DLG2: variants seen among roughly 807,000 people sequenced by gnomAD.
DLG2 encodes the protein discs large MAGUK scaffold protein 2, also known as disks large homolog 2.
A neutral mutation model predicts 132.5 loss-of-function variants in DLG2; 45 were observed. The observed-to-expected ratio is 0.34, with a 90% CI of 0.27 to 0.44. DLG2 has a LOEUF of 0.44. Among genes scored for constraint, DLG2 ranks in the 20% least tolerant of loss-of-function variants. DLG2 has a pLI of 1.00. For missense variants in DLG2, 1,045 were observed against 1,196.9 expected (o/e 0.87, Z 1.87); for synonymous variants, 424 against 419.6 (o/e 1.01, Z -0.13).
chr11:84,499,220 C>T lies in DLG2; in HGVS notation c.519+35350G>A, dbSNP rs145565074. 4.3e-3 allele frequency among the ~76,000 whole-genome samples: 656 copies of T among 152,288 alleles called. 2 individuals are homozygous for T. The highest frequency in any genetic ancestry group is 9.0e-3 in the Admixed American group (138 of 15,282). ...TAAACTTTTTGAAACTCACTTTTCT[C>T]CTCTATAAAACTGAATTGTAATGTC... On this transcript the variant is annotated intron_variant, in intron 7 of 27. Coordinates refer to ENST00000376104, the MANE Select transcript of DLG2 (RefSeq NM_001142699.3).
chr11:83,979,782 A>G (rs2514145), intron 12 of DLG2, among the ~76,000 whole-genome samples: 18,513 of 152,154 alleles, frequency 0.12, 1,457 homozygotes, highest in East Asian at 0.31. Context: ...AGGACTGTGG[A>G]AATACGCTTA....
At chr11:84,929,111 GCCCTAAAGATACTGCCACCAT>G (rs2047801614) in intron 6 of DLG2, among the ~76,000 whole-genome samples, 1 of 147,836 alleles carries the variant, frequency 6.8e-6, no homozygotes, top group African/African-American at 2.5e-5. Flanking sequence ...CCTTACATAA[GCCCTAAAGATACTGCCACCAT>G]CCCCTGGTGT....
At chr11:85,502,677 C>T (rs1435600482) in intron 3 of DLG2, among the ~76,000 whole-genome samples, 3 of 151,922 alleles carry the variant, frequency 2.0e-5, no homozygotes, top group Non-Finnish European at 4.4e-5. Context: ...GGAGGGAGAG[C>T]ATTAGGACAA....
intron 21 of DLG2, among the ~76,000 whole-genome samples, chr11:83,526,792 C>T (rs778508882): frequency 6.6e-6 from 1 of 152,068 alleles, no homozygotes; most frequent in Non-Finnish European, 1.5e-5. Flanking sequence ...GTATCTTACT[C>T]CTAACCCCAG....
At chr11:83,557,020 T>C (rs577252409) in intron 19 of DLG2, among the ~76,000 whole-genome samples, 31 of 69,996 alleles carry the variant, frequency 4.4e-4, no homozygotes, top group Admixed American at 7.5e-4. Context: ...ACAACCATGA[T>C]TACAATTGTC....
intron 17 of DLG2, among the ~76,000 whole-genome samples, chr11:83,830,231 T>G (rs1045363581): frequency 6.6e-6 from 1 of 152,258 alleles, no homozygotes; most frequent in African/African-American, 2.4e-5. Flanking sequence ...TTCTGTGAAT[T>G]ATAATATCTA....
chr11:84,571,839 G>A (rs1228835449), intron 6 of DLG2, among the ~76,000 whole-genome samples: 3 of 152,094 alleles, frequency 2.0e-5, no homozygotes, highest in Non-Finnish European at 4.4e-5. Flanking sequence ...GCAAACCACA[G>A]CTGAGTTTTT....
intron 19 of DLG2, among the ~76,000 whole-genome samples, chr11:83,602,515 C>T (rs1032204672): frequency 6.6e-6 from 1 of 152,240 alleles, no homozygotes; most frequent in Non-Finnish European, 1.5e-5. Context: ...TCATCTCTAA[C>T]ACTGCCTCCC....
chr11:85,339,500 T>C (rs2082343468), intron 3 of DLG2, among the ~76,000 whole-genome samples: 3 of 152,186 alleles, frequency 2.0e-5, no homozygotes, highest in Admixed American at 1.3e-4. Context: ...AATTTCTGTT[T>C]CTGCACAGCC....
At chr11:84,451,139 T>G (rs1197502154) in intron 7 of DLG2, among the ~76,000 whole-genome samples, 1 of 151,924 alleles carries the variant, frequency 6.6e-6, no homozygotes, top group Non-Finnish European at 1.5e-5. Flanking sequence ...AAGTTATCTG[T>G]AAGACGAAGG....
Position 84,345,576 on chromosome 11 carries a change from A to G in DLG2, c.520-94285T>C, listed in dbSNP as rs78266065. Reference sequence around the variant, plus strand: ...GAGAAAGAGTCACATGAAGATTCTTATCTCCTACAGTGAGAATCAAATATT... The same window carrying G: ...GAGAAAGAGTCACATGAAGATTCTTGTCTCCTACAGTGAGAATCAAATATT... On this transcript the variant is annotated intron_variant, in intron 7 of 27. Coordinates refer to ENST00000376104, the MANE Select transcript of DLG2 (RefSeq NM_001142699.3). Among the ~76,000 whole-genome samples, 221 of 152,298 alleles carry G rather than the reference A, an allele frequency of 1.5e-3. 3 individuals are homozygous for G. In the East Asian group the frequency reaches 0.025, roughly 17 times the overall value.
Position 83,993,768 on chromosome 11 carries a change from C to G in DLG2, c.920-13126G>C, listed in dbSNP as rs1460275148. On this transcript the variant is annotated intron_variant, in intron 11 of 27. Coordinates refer to ENST00000376104, the MANE Select transcript of DLG2 (RefSeq NM_001142699.3). ...TTCCAAGTTAATTTTTGCTGCCATGCAAACCAAGGTCATTAAACACTGACC... is the reference window on the plus strand; with the variant it reads ...TTCCAAGTTAATTTTTGCTGCCATGGAAACCAAGGTCATTAAACACTGACC... Among the ~76,000 whole-genome samples, 3 of 152,138 alleles carry G rather than the reference C, an allele frequency of 2.0e-5. No homozygotes were observed. In the East Asian group the frequency reaches 5.8e-4, roughly 29 times the overall value.
At chr11:84,378,342 A>G (rs60411625) in intron 7 of DLG2, among the ~76,000 whole-genome samples, 9,363 of 152,196 alleles carry the variant, frequency 0.062, 990 homozygotes, top group African/African-American at 0.21. Flanking sequence ...ATACAAGCCA[A>G]GAAAAGGTTC....
chr11:84,595,001 T>G (rs761394976), intron 6 of DLG2, among the ~76,000 whole-genome samples: 2 of 152,174 alleles, frequency 1.3e-5, no homozygotes, highest in Non-Finnish European at 2.9e-5. Context: ...TGACCTTTCA[T>G]GCAAAAAGTA....
intron 5 of DLG2, among the ~76,000 whole-genome samples, chr11:85,154,308 A>G (rs2077457144): frequency 6.6e-6 from 1 of 152,204 alleles, no homozygotes; most frequent in Non-Finnish European, 1.5e-5. Context: ...TGACTGTGTG[A>G]TAACCAGCAC....
At chr11:85,409,706 C>T (rs2089142087) in intron 3 of DLG2, among the ~76,000 whole-genome samples, 2 of 151,642 alleles carry the variant, frequency 1.3e-5, no homozygotes, top group Non-Finnish European at 2.9e-5. Context: ...GGAGAAATAC[C>T]GAATACTGGG....
intron 11 of DLG2, among the ~76,000 whole-genome samples, chr11:84,051,452 T>G (rs1464736395): frequency 1.3e-5 from 2 of 151,752 alleles, no homozygotes; most frequent in African/African-American, 4.8e-5. Flanking sequence ...CCATCAAAAA[T>G]GATGAGTTCA....
rs941285002 is a variant in DLG2, at chr11:84,362,783, G to A, written c.520-111492C>T. 2.6e-5 allele frequency among the ~76,000 whole-genome samples: 4 copies of A among 152,170 alleles called. 1 individual carries two copies. In the Middle Eastern group the frequency reaches 0.01, roughly 388 times the overall value. ...TGTTTGGTTTTTTGTTCTTGCGATA[G>A]TTTACTGAGAATGATGATTTCCAAT... On this transcript the variant is annotated intron_variant, in intron 7 of 27. Coordinates refer to ENST00000376104, the MANE Select transcript of DLG2 (RefSeq NM_001142699.3).
At chr11:84,720,214 A>G (rs1381571873) in intron 6 of DLG2, 2 of 952,074 alleles carry the variant, frequency 2.1e-6, no homozygotes, top group Non-Finnish European at 2.5e-6. Flanking sequence ...CCCAACAGGC[A>G]GACATAAACA....
Sources: gnomAD v4.1 joint callset for allele counts (sites outside exome capture counted in the v4.1 genomes callset) on GRCh38, gnomAD v4.1.1 for gene constraint, MANE v1.5 for transcripts, NCBI Gene and HGNC (gene_info 2026-07-23, HGNC 2026-07-21) for gene names.